C10orf71: variants seen among roughly 807,000 people sequenced by gnomAD.
C10orf71 encodes the protein cardiac-enriched FHL2-interacting protein.
For missense variants in C10orf71, 1,869 were observed against 1,804.5 expected (o/e 1.04, Z -0.65); for synonymous variants, 758 against 726.3 (o/e 1.04, Z -0.70).
upstream of C10orf71, among the ~76,000 whole-genome samples, chr10:49,297,182 G>A (rs1848653304): frequency 6.6e-6 from 1 of 152,234 alleles, no homozygotes; most frequent in African/African-American, 2.4e-5. Flanking sequence ...GTGCTGAGGA[G>A]GGGAGGAAAG....
intron 1 of C10orf71, among the ~76,000 whole-genome samples, chr10:49,314,831 T>C (rs750896585): frequency 4.6e-5 from 7 of 152,180 alleles, no homozygotes; most frequent in Non-Finnish European, 1.0e-4. Flanking sequence ...TTTTCCCTTC[T>C]TTTCTGTGCC....
chr10:49,324,442 T>C lies in C10orf71; in HGVS notation c.1897T>C (p.Cys633Arg), dbSNP rs1849174833. The C allele has an allele frequency of 6.2e-7, 1 of 1,608,602 alleles. No homozygotes were observed. Among genetic ancestry groups the C allele is most frequent in the East Asian group, 2.2e-5 (1 of 44,718 alleles). Residue 633 changes from cysteine to arginine, a missense_variant, in exon 3 of 3, where the codon TGT becomes CGT. Cys to Arg is a radical substitution (Grantham distance 180). Coordinates refer to ENST00000374144, the MANE Select transcript of C10orf71 (RefSeq NM_001135196.2). ...LEMGPAGSSW[C>R]PDSREHRPRK... The stretch of plus-strand genomic sequence containing the variant: ...GATGGGTCCTGCCGGATCCAGCTGG[T>C]GTCCAGACTCCAGGGAACACCGCCC...
At chr10:49,304,146 G>A (rs1023488214) in intron 1 of C10orf71, among the ~76,000 whole-genome samples, 28 of 152,186 alleles carry the variant, frequency 1.8e-4, no homozygotes, top group African/African-American at 6.5e-4. Context: ...GCTCCCTGGC[G>A]GGACCAGATG....
At chr10:49,304,864 T>G (rs1484810200) in intron 1 of C10orf71, among the ~76,000 whole-genome samples, 1 of 152,228 alleles carries the variant, frequency 6.6e-6, no homozygotes, top group Non-Finnish European at 1.5e-5. Flanking sequence ...AATCTGGTCA[T>G]AGGTTACAGT....
chr10:49,321,741 A>G (rs1346933881), intron 2 of C10orf71, among the ~76,000 whole-genome samples: 5 of 152,142 alleles, frequency 3.3e-5, no homozygotes, highest in African/African-American at 4.8e-5. Flanking sequence ...GATAATAGCC[A>G]TCCTAACAGG....
chr10:49,313,987 G>C (rs1247327332), intron 1 of C10orf71, among the ~76,000 whole-genome samples: 1 of 152,168 alleles, frequency 6.6e-6, no homozygotes, highest in Non-Finnish European at 1.5e-5. Context: ...AGGGCTGGGA[G>C]CAGAGGAAAT....
upstream of C10orf71, among the ~76,000 whole-genome samples, chr10:49,298,491 T>C (rs1423175920): frequency 1.3e-5 from 2 of 152,124 alleles, no homozygotes; most frequent in Admixed American, 6.5e-5. Flanking sequence ...TGTGGGCAGT[T>C]TGGGGAGCAG....
rs1490499104 is a variant in C10orf71 at position 49,322,630 on chromosome 10, G to A, written c.85G>A (p.Val29Met). 6.2e-7 allele frequency: 1 copy of A among 1,613,396 alleles called. No individual in the cohort carries two copies. The highest frequency in any genetic ancestry group is 2.2e-5 in the East Asian group (1 of 44,854). The change falls in exon 3 of 3, where the codon GTG becomes ATG. Residue 29 changes from valine (V) to methionine (M), a missense_variant. By Grantham distance (21) the Val-to-Met change is conservative (BLOSUM62 1). Coordinates refer to ENST00000374144, the MANE Select transcript of C10orf71 (RefSeq NM_001135196.2). Reference protein sequence around the residue: ...GSVLDDADREVSSLTDRAFRS... With the variant: ...GSVLDDADREMSSLTDRAFRS... ...CGTGTTGGATGATGCAGACAGGGAGGTGAGCAGCCTAACAGACCGGGCATT... is the reference window on the plus strand; with the variant it reads ...CGTGTTGGATGATGCAGACAGGGAGATGAGCAGCCTAACAGACCGGGCATT...
chr10:49,304,742 G>A (rs1848784731), intron 1 of C10orf71, among the ~76,000 whole-genome samples: 1 of 152,224 alleles, frequency 6.6e-6, no homozygotes. Flanking sequence ...CTTCCCAGGG[G>A]CTGGAGAAAG....
At chr10:49,308,582 T>A (rs1042033383) in intron 1 of C10orf71, among the ~76,000 whole-genome samples, 6 of 152,154 alleles carry the variant, frequency 3.9e-5, no homozygotes, top group Non-Finnish European at 8.8e-5. Flanking sequence ...CACTGCCCAG[T>A]GGAAGCCAAT....
chr10:49,325,262 G>A lies in C10orf71; in HGVS notation c.2717G>A (p.Cys906Tyr). The change falls in exon 3 of 3, where the codon TGT becomes TAT. Residue 906 changes from cysteine to tyrosine, a missense_variant. Transcript: ENST00000374144. ...GAATGGGGTGAGGATCCTGGGTTTT[G>A]TGCCCCCGAAAACCAGGACATTCTT... Reference protein sequence around the residue: ...RPEWGEDPGFCAPENQDILGT... With the variant: ...RPEWGEDPGFYAPENQDILGT... The A allele has an allele frequency of 6.4e-7, 1 of 1,551,794 alleles. No homozygotes were observed. Among genetic ancestry groups the A allele is most frequent in the Non-Finnish European group, 8.7e-7 (1 of 1,147,014 alleles).
At chr10:49,315,517 A>G (rs1317019468) in intron 1 of C10orf71, among the ~76,000 whole-genome samples, 1 of 152,202 alleles carries the variant, frequency 6.6e-6, no homozygotes, top group East Asian at 1.9e-4. Flanking sequence ...CAGTGGGAAA[A>G]GGGCCTTGAG....
At chr10:49,310,480 C>T (rs1265173865) in intron 1 of C10orf71, among the ~76,000 whole-genome samples, 3 of 152,168 alleles carry the variant, frequency 2.0e-5, no homozygotes, top group Non-Finnish European at 4.4e-5. Context: ...CAGGCTGACT[C>T]GTCCCCAGTT....
intron 1 of C10orf71, among the ~76,000 whole-genome samples, chr10:49,309,095 G>C (rs1157469023): frequency 1.3e-5 from 2 of 152,246 alleles, no homozygotes; most frequent in African/African-American, 2.4e-5. Flanking sequence ...AGGTGCAGGG[G>C]TCGACCTGCT....
chr10:49,310,674 C>T (rs956728997), intron 1 of C10orf71, among the ~76,000 whole-genome samples: 7 of 152,196 alleles, frequency 4.6e-5, no homozygotes, highest in East Asian at 1.9e-4. Flanking sequence ...ACACATGAGC[C>T]GTGACTGTCA....
At position 49,326,026 on chromosome 10, in the gene C10orf71, G is replaced by A; in HGVS notation, c.3481G>A (p.Ala1161Thr). Residue 1161 changes from alanine to threonine, a missense_variant, in exon 3 of 3, where the codon GCA (alanine) becomes ACA (threonine). Coordinates refer to ENST00000374144, the MANE Select transcript of C10orf71 (RefSeq NM_001135196.2). Reference sequence around the variant, plus strand: ...CACCTCTGGGAGACTTGAGCTTCCTGCACAGCTAGAGAGGACAGCAAGCAA... The same window carrying A: ...CACCTCTGGGAGACTTGAGCTTCCTACACAGCTAGAGAGGACAGCAAGCAA... Reference protein sequence around the residue: ...AGTSGRLELPAQLERTASKPP... With the variant: ...AGTSGRLELPTQLERTASKPP... 6.4e-7 allele frequency: 1 copy of A among 1,551,686 alleles called. No individual in the cohort carries two copies. Among genetic ancestry groups the A allele is most frequent in the Non-Finnish European group, 8.7e-7 (1 of 1,146,994 alleles).
chr10:49,303,059 G>A (rs1313735574), intron 1 of C10orf71, among the ~76,000 whole-genome samples: 1 of 152,200 alleles, frequency 6.6e-6, no homozygotes, highest in African/African-American at 2.4e-5. Context: ...TCACTCCACT[G>A]TCCTATTTAG....
rs1254923020 is a variant in C10orf71 at position 49,326,608 on chromosome 10, C to T, written c.4063C>T (p.Leu1355Phe). The change falls in exon 3 of 3, where the codon CTC (leucine) becomes TTC (phenylalanine). Residue 1355 changes from leucine to phenylalanine, a missense_variant. Coordinates refer to ENST00000374144, the MANE Select transcript of C10orf71 (RefSeq NM_001135196.2). ...GATGCCGCTGCGCTGCTCCTCTCAG[C>T]TCTCCGCGCCCACCTTCCTCAGGCA... Reference protein sequence around the residue: ...ALMPLRCSSQLSAPTFLRQGP... With the variant: ...ALMPLRCSSQFSAPTFLRQGP... 1.9e-6 allele frequency: 3 copies of T among 1,550,250 alleles called. No individual in the cohort carries two copies. The highest frequency in any genetic ancestry group is 8.7e-7 in the Non-Finnish European group (1 of 1,146,876).
chr10:49,325,937 C>T lies in C10orf71; in HGVS notation c.3392C>T (p.Ala1131Val). Residue 1131 changes from alanine (A) to valine (V), a missense_variant, in exon 3 of 3, where the codon GCA becomes GTA. Transcript: ENST00000374144. ...TCTGACCCCCTACTTGAGCTGTCGG[C>T]AGAAGACCTCCGGACCCTCTCTCCA... is the stretch of plus-strand genomic sequence containing the variant. ...GGSDPLLELS[A>V]EDLRTLSPRG... is the part of the protein sequence containing the mutation. 7 of 1,551,470 alleles carry T rather than the reference C, an allele frequency of 4.5e-6. No homozygotes were observed. The highest frequency in any genetic ancestry group is 6.1e-6 in the Non-Finnish European group (7 of 1,146,866).
Sources: gnomAD v4.1 joint callset for allele counts (sites outside exome capture counted in the v4.1 genomes callset) on GRCh38, gnomAD v4.1.1 for gene constraint, MANE v1.5 for transcripts, NCBI Gene and HGNC (gene_info 2026-07-23, HGNC 2026-07-21) for gene names.